LINC00305: variants seen among roughly 807,000 people sequenced by gnomAD.
LINC00305 encodes long intergenic non-protein coding RNA 305.
intron 1 of LINC00305, among the ~76,000 whole-genome samples, chr18:64,125,862 T>C (rs2051382929): frequency 6.6e-6 from 1 of 152,114 alleles, no homozygotes; most frequent in Admixed American, 6.6e-5. Context: ...ATTGCAGTAA[T>C]TATAAAAGGG....
intron 3 of LINC00305, among the ~76,000 whole-genome samples, chr18:64,081,706 T>C (rs534307300): frequency 6.6e-6 from 1 of 152,322 alleles, no homozygotes; most frequent in African/African-American, 2.4e-5. Context: ...AGTTAAGTAC[T>C]TAAGAAGTTC....
At chr18:64,092,504 C>T (rs1051087550) in intron 3 of LINC00305, among the ~76,000 whole-genome samples, 2 of 151,144 alleles carry the variant, frequency 1.3e-5, no homozygotes, top group Non-Finnish European at 3.0e-5. Flanking sequence ...AGAGGTTGCA[C>T]TGAGCCGAGA....
chr18:64,142,775 TCTC>T (rs879428747), intron 1 of LINC00305, among the ~76,000 whole-genome samples: 49 of 152,198 alleles, frequency 3.2e-4, no homozygotes, highest in Admixed American at 7.2e-4. Context: ...CCAGGAACCT[TCTC>T]CATGTAGTAG....
At chr18:64,121,655 C>A (rs927487724) in intron 1 of LINC00305, among the ~76,000 whole-genome samples, 1 of 152,004 alleles carries the variant, frequency 6.6e-6, no homozygotes, top group African/African-American at 2.4e-5. Flanking sequence ...AATAAACATA[C>A]GGGCACAGGT....
At chr18:64,087,244 C>T (rs1222523172) in intron 3 of LINC00305, among the ~76,000 whole-genome samples, 2 of 152,064 alleles carry the variant, frequency 1.3e-5, no homozygotes, top group Non-Finnish European at 2.9e-5. Context: ...AGTTAGCCCT[C>T]CATTAAAAAA....
chr18:64,120,117 G>C (rs1301681514), intron 1 of LINC00305, among the ~76,000 whole-genome samples: 2 of 151,980 alleles, frequency 1.3e-5, no homozygotes, highest in Non-Finnish European at 2.9e-5. Flanking sequence ...GCCACCAGAG[G>C]GGGCATCTTT....
At chr18:64,090,788 T>C (rs1031546625) in intron 3 of LINC00305, among the ~76,000 whole-genome samples, 2 of 152,238 alleles carry the variant, frequency 1.3e-5, no homozygotes, top group South Asian at 2.1e-4. Context: ...TTCATCTTTA[T>C]ATTGTACAAT....
chr18:64,095,374 T>C (rs2051241351), intron 3 of LINC00305, among the ~76,000 whole-genome samples: 1 of 152,096 alleles, frequency 6.6e-6, no homozygotes, highest in East Asian at 1.9e-4. Flanking sequence ...AAGGAGCTAG[T>C]TTTGAAGAGA....
intron 1 of LINC00305, among the ~76,000 whole-genome samples, chr18:64,131,540 G>A (rs1293883596): frequency 1.3e-5 from 2 of 152,256 alleles, no homozygotes; most frequent in African/African-American, 2.4e-5. Context: ...TGTATTGTTG[G>A]TATGTCATGT....
At chr18:64,132,769 G>C (rs1283635973) in intron 1 of LINC00305, among the ~76,000 whole-genome samples, 2 of 152,182 alleles carry the variant, frequency 1.3e-5, no homozygotes, top group Non-Finnish European at 2.9e-5. Context: ...CAGAGGACAA[G>C]GGGTGTTTGC....
At position 64,105,803 on chromosome 18, in the gene LINC00305, C is replaced by T. The variant is rs147290432; in HGVS notation, n.315-7163G>A. On this transcript the variant is annotated intron_variant and non_coding_transcript_variant, in intron 1 of 3. Coordinates refer to ENST00000666468, the Ensembl canonical transcript of LINC00305. ...TACGATAAATATCTCTGAAATGACA[C>T]AGGGAGAACCTGGTTAGTAGGTGAG... is the stretch of plus-strand genomic sequence containing the variant. Among the ~76,000 whole-genome samples, 651 of 152,280 alleles carry T rather than the reference C, an allele frequency of 4.3e-3. 4 individuals are homozygous for T. The highest frequency in any genetic ancestry group is 0.014 in the African/African-American group (599 of 41,548).
intron 3 of LINC00305, among the ~76,000 whole-genome samples, chr18:64,083,960 C>T (rs532320389): frequency 6.6e-6 from 1 of 152,282 alleles, no homozygotes; most frequent in South Asian, 2.1e-4. Context: ...GGGAGGATCC[C>T]CATGCTGGGC....
At chr18:64,082,963 C>T (rs2051190484) in intron 3 of LINC00305, among the ~76,000 whole-genome samples, 1 of 151,960 alleles carries the variant, frequency 6.6e-6, no homozygotes, top group Non-Finnish European at 1.5e-5. Flanking sequence ...CTTTCTAATT[C>T]ATGCTTGATT....
intron 1 of LINC00305, among the ~76,000 whole-genome samples, chr18:64,145,707 C>T (rs1409674327): frequency 6.6e-6 from 1 of 152,190 alleles, no homozygotes; most frequent in Non-Finnish European, 1.5e-5. Context: ...TGAGCCACCG[C>T]ATCTGGCCAG....
At chr18:64,136,406 T>C (rs1298808660) in intron 1 of LINC00305, among the ~76,000 whole-genome samples, 1 of 152,140 alleles carries the variant, frequency 6.6e-6, no homozygotes, top group Non-Finnish European at 1.5e-5. Flanking sequence ...CTTATAATCA[T>C]GGCAGAAGGC....
At chr18:64,138,823 C>T (rs963823531) in intron 1 of LINC00305, among the ~76,000 whole-genome samples, 1 of 152,168 alleles carries the variant, frequency 6.6e-6, no homozygotes, top group African/African-American at 2.4e-5. Context: ...GTATGTAAAA[C>T]TCAACCACCA....
In LINC00305 at chr18:64,094,856, A is replaced by AAATAAATAAATAAATAAAT. The variant is rs1568105312; in HGVS notation, n.540+2977_540+2978insATTTATTTATTTATTTATT. On this transcript the variant is annotated intron_variant and non_coding_transcript_variant, in intron 3 of 3. Coordinates refer to ENST00000666468, the Ensembl canonical transcript of LINC00305. ...GGGACAGAGCAAGACTTCATCTCAAAAAATAAATAAATAAATAAATAAATA... is the reference window on the plus strand; with the variant it reads ...GGGACAGAGCAAGACTTCATCTCAAAAATAAATAAATAAATAAATAAATAAATAAATAAATAAATAAATA... Among the ~76,000 whole-genome samples, 141 of 120,842 alleles carry AAATAAATAAATAAATAAAT rather than the reference A, an allele frequency of 1.2e-3. 2 individuals carry two copies. The highest frequency in any genetic ancestry group is 3.6e-3 in the African/African-American group (136 of 37,576). The allele number at this position is 120,842 out of a possible 152,430, so 79.3% of individuals were successfully genotyped here.
intron 1 of LINC00305, among the ~76,000 whole-genome samples, chr18:64,126,819 G>C (rs1281319791): frequency 1.3e-5 from 2 of 152,052 alleles, no homozygotes; most frequent in East Asian, 3.9e-4. Context: ...AACTACTCTT[G>C]ATTTAGGATT....
chr18:64,126,953 T>A (rs2051388054), intron 1 of LINC00305, among the ~76,000 whole-genome samples: 1 of 152,054 alleles, frequency 6.6e-6, no homozygotes. Flanking sequence ...TGCAGGAAAA[T>A]TTTTTTCCAA....
Sources: allele counts gnomAD v4.1 joint callset (sites outside exome capture counted in the v4.1 genomes callset), GRCh38; gene constraint gnomAD v4.1.1; transcripts MANE v1.5; gene names NCBI Gene and HGNC (gene_info 2026-07-23, HGNC 2026-07-21).